The following RBM47 variants were observed in gnomAD, a reference collection of about 807,000 sequenced individuals.
The protein encoded by RBM47 is RNA binding motif protein 47.
RBM47 carries 21 observed loss-of-function variants against 47.1 expected under a neutral mutation model. That is an observed-to-expected ratio of 0.45 (90% confidence interval 0.32 to 0.64). The LOEUF is 0.64. Among genes scored for constraint, RBM47 ranks in the 30% least tolerant of loss-of-function variants. The pLI is 0.05. For synonymous variants in RBM47, 375 were observed against 361.7 expected (o/e 1.04, Z -0.42); for missense variants, 708 against 870.9 (o/e 0.81, Z 2.35).
At chr4:40,467,909 C>T in intron 2 of RBM47, among the ~76,000 whole-genome samples, 1 of 152,100 alleles carries the variant, frequency 6.6e-6, no homozygotes, top group East Asian at 1.9e-4. Flanking sequence ...AGACTGGGAA[C>T]CAGAAGGCTA....
At chr4:40,531,469 T>C (rs983390114) in intron 2 of RBM47, among the ~76,000 whole-genome samples, 1 of 151,696 alleles carries the variant, frequency 6.6e-6, no homozygotes, top group African/African-American at 2.4e-5. Flanking sequence ...GATAAGGGGA[T>C]AGGCGGAAGG....
intron 1 of RBM47, among the ~76,000 whole-genome samples, chr4:40,582,985 G>C (rs998273450): frequency 6.6e-6 from 1 of 152,196 alleles, no homozygotes; most frequent in Non-Finnish European, 1.5e-5. Context: ...TTAGCACATA[G>C]CAAGTGCTCA....
At chr4:40,433,587 C>T (rs1711717341) in intron 5 of RBM47, among the ~76,000 whole-genome samples, 1 of 152,166 alleles carries the variant, frequency 6.6e-6, no homozygotes. Flanking sequence ...AGAGTTGGGC[C>T]TGCCTGTTCC....
intron 1 of RBM47, among the ~76,000 whole-genome samples, chr4:40,610,002 G>T (rs746158741): frequency 3.2e-4 from 49 of 151,896 alleles, no homozygotes; most frequent in Admixed American, 9.9e-4. Flanking sequence ...TGAGGCAGGA[G>T]AATTGCTTGA....
At chr4:40,617,649 T>C (rs1239815560) in intron 1 of RBM47, among the ~76,000 whole-genome samples, 2 of 151,172 alleles carry the variant, frequency 1.3e-5, no homozygotes, top group Non-Finnish European at 2.9e-5. Context: ...AGTATAAATA[T>C]ATACATGTAC....
At chr4:40,571,616 TA>T (rs1560477392) in intron 1 of RBM47, among the ~76,000 whole-genome samples, 1 of 151,982 alleles carries the variant, frequency 6.6e-6, no homozygotes, top group East Asian at 1.9e-4. Context: ...AAATTTTTTT[TA>T]AAAAATACAA....
chr4:40,561,334 C>A (rs1461913450), intron 1 of RBM47, among the ~76,000 whole-genome samples: 1 of 147,674 alleles, frequency 6.8e-6, no homozygotes, highest in Non-Finnish European at 1.5e-5. Context: ...TGGGTTCAAG[C>A]GATTCTCCGG....
rs1738051208 is a variant in RBM47 at position 40,629,661 on chromosome 4, G to A, written c.-505C>T. On this transcript the variant is annotated 5_prime_UTR_variant, in exon 1 of 7. Transcript: ENST00000295971. ...GAGACTTGCAGAGAGAAAGTCTCCA[G>A]GAGGACCGCTCCCCAAACCCTGGTT... 1 of 152,240 alleles carries A rather than the reference G, an allele frequency of 6.6e-6. No homozygotes were observed. 9.4% of individuals were successfully genotyped at this position (152,240 alleles called of 1,614,324 possible). A position where few individuals can be genotyped will look rare whatever the true frequency, so the allele number is the denominator to read the frequency against.
intron 3 of RBM47, among the ~76,000 whole-genome samples, chr4:40,464,516 T>C (rs1717664702): frequency 6.6e-6 from 1 of 152,122 alleles, no homozygotes; most frequent in African/African-American, 2.4e-5. Context: ...TATCATACTG[T>C]ATGCCTCTAT....
intron 1 of RBM47, among the ~76,000 whole-genome samples, chr4:40,594,347 C>T (rs1419075692): frequency 6.6e-6 from 1 of 152,154 alleles, no homozygotes; most frequent in African/African-American, 2.4e-5. Flanking sequence ...ATCTTTTGTA[C>T]TGAGATAGCA....
intron 3 of RBM47, among the ~76,000 whole-genome samples, chr4:40,465,548 G>A (rs925408008): frequency 1.3e-5 from 2 of 152,010 alleles, no homozygotes; most frequent in Admixed American, 6.6e-5. Flanking sequence ...GTGTGGTAGC[G>A]TGCACCTATA....
At chr4:40,584,565 C>G (rs1733349281) in intron 1 of RBM47, among the ~76,000 whole-genome samples, 2 of 152,086 alleles carry the variant, frequency 1.3e-5, no homozygotes, top group African/African-American at 2.4e-5. Flanking sequence ...TTTCATATTC[C>G]TTTTTACATT....
Position 40,436,933 on chromosome 4 carries a change from TC to T in RBM47, c.1124-287del, listed in dbSNP as rs201915373. 7.1e-3 allele frequency: 3,030 copies of T among 424,880 alleles called. 21 individuals carry two copies. The highest frequency in any genetic ancestry group is 0.027 in the African/African-American group (998 of 37,278). 26.3% of individuals were successfully genotyped at this position (424,880 alleles called of 1,614,324 possible). A position where few individuals can be genotyped will look rare whatever the true frequency, so the allele number is the denominator to read the frequency against. On this transcript the variant is annotated intron_variant, in intron 4 of 6. Transcript: ENST00000295971. ...CATTCATAGACTACCCACCACCCCC[TC>T]CCCCCCGCCAAAAAAAAAACTGTGG...
chr4:40,499,954 C>T (rs1723118452), intron 2 of RBM47, among the ~76,000 whole-genome samples: 1 of 152,180 alleles, frequency 6.6e-6, no homozygotes, highest in Non-Finnish European at 1.5e-5. Context: ...CCCTAAAACA[C>T]CTTTGTATTT....
At chr4:40,484,437 C>T (rs1473162091) in intron 2 of RBM47, among the ~76,000 whole-genome samples, 1 of 152,088 alleles carries the variant, frequency 6.6e-6, no homozygotes, top group Non-Finnish European at 1.5e-5. Flanking sequence ...AACCTCCCAC[C>T]CCCACCCATT....
chr4:40,434,001 G>C (rs1419889155), intron 5 of RBM47, among the ~76,000 whole-genome samples: 3 of 62,118 alleles, frequency 4.8e-5, no homozygotes, highest in African/African-American at 1.0e-4. Context: ...TGTGGGGCGG[G>C]GGTGTGTGTG....
intron 1 of RBM47, among the ~76,000 whole-genome samples, chr4:40,557,778 G>T (rs1407167837): frequency 6.6e-6 from 1 of 152,050 alleles, no homozygotes; most frequent in African/African-American, 2.4e-5. Flanking sequence ...ATGAATGAAT[G>T]CATGAGTATA....
intron 2 of RBM47, among the ~76,000 whole-genome samples, chr4:40,512,758 G>T (rs1411680432): frequency 6.8e-6 from 1 of 147,410 alleles, no homozygotes; most frequent in Non-Finnish European, 1.5e-5. Context: ...AAAAAGGAAA[G>T]AAAAGAAAAG....
chr4:40,574,092 C>T (rs181199731), intron 1 of RBM47, among the ~76,000 whole-genome samples: 8 of 152,274 alleles, frequency 5.3e-5, no homozygotes, highest in Middle Eastern at 3.4e-3. Flanking sequence ...GCTGACTGCA[C>T]GAGGTGGAAG....
Sources: allele counts gnomAD v4.1 joint callset (sites outside exome capture counted in the v4.1 genomes callset), GRCh38; gene constraint gnomAD v4.1.1; transcripts MANE v1.5; gene names NCBI Gene and HGNC (gene_info 2026-07-23, HGNC 2026-07-21).